CPA6: variants seen among roughly 807,000 people sequenced by gnomAD.
The protein encoded by CPA6 is carboxypeptidase B.
In CPA6, 58 loss-of-function variants were observed where a neutral mutation model predicts 63.3. That is an observed-to-expected ratio of 0.92 (90% CI 0.74 to 1.14). CPA6 has a LOEUF of 1.14. Ranked by LOEUF, CPA6 falls within the 50% of genes most tolerant of loss-of-function variation. The probability of loss-of-function intolerance (pLI) is 0.00; values close to 1 mark genes in which losing one functional copy is unlikely to be tolerated. For synonymous variants in CPA6, 185 were observed against 179.0 expected, an observed-to-expected ratio of 1.03 and a Z score of -0.27; for missense variants, 565 against 526.6, an observed-to-expected ratio of 1.07 and a Z score of -0.71.
At chr8:67,721,345 A>G (rs762239497) in intron 1 of CPA6, among the ~76,000 whole-genome samples, 2 of 152,234 alleles carry the variant, frequency 1.3e-5, no homozygotes, top group Middle Eastern at 3.2e-3. Flanking sequence ...TGTTAGTGGT[A>G]ATAGTCTTTA....
intron 2 of CPA6, among the ~76,000 whole-genome samples, chr8:67,586,368 T>C (rs1237959722): frequency 6.6e-6 from 1 of 152,164 alleles, no homozygotes; most frequent in Non-Finnish European, 1.5e-5. Flanking sequence ...ACAAAAGCCA[T>C]GATACATGCC....
intron 1 of CPA6, among the ~76,000 whole-genome samples, chr8:67,658,843 T>C (rs1452323329): frequency 6.6e-6 from 1 of 152,118 alleles, no homozygotes; most frequent in Non-Finnish European, 1.5e-5. Flanking sequence ...ACATTCTGCT[T>C]GTCACACAGA....
intron 2 of CPA6, among the ~76,000 whole-genome samples, chr8:67,537,185 G>A (rs1156522984): frequency 6.6e-6 from 1 of 152,114 alleles, no homozygotes; most frequent in African/African-American, 2.4e-5. Flanking sequence ...GCCAGGTTTT[G>A]GTATTAGGAT....
At chr8:67,497,878 G>T (rs897133321) in intron 6 of CPA6, among the ~76,000 whole-genome samples, 1 of 152,114 alleles carries the variant, frequency 6.6e-6, no homozygotes, top group African/African-American at 2.4e-5. Context: ...TTTTAGTAGA[G>T]AAGGGGTTTT....
intron 1 of CPA6, among the ~76,000 whole-genome samples, chr8:67,697,043 T>G (rs546168812): frequency 6.6e-6 from 1 of 152,324 alleles, no homozygotes; most frequent in African/African-American, 2.4e-5. Flanking sequence ...AAGGTGGACA[T>G]TACACCCATT....
intron 8 of CPA6, among the ~76,000 whole-genome samples, chr8:67,445,397 T>G: frequency 6.6e-6 from 1 of 152,222 alleles, no homozygotes; most frequent in Admixed American, 6.5e-5. Flanking sequence ...TCTGATTTCC[T>G]GTTTTCTTCA....
rs185308959 is a variant in CPA6, at chr8:67,430,860, T to C, written c.1042-2729A>G. ...TCCATGGGGAAGCAAATTCATCTTT[T>C]TTTTTTCTTTCCTTTCTTTGAGACA... On this transcript the variant is annotated intron_variant, in intron 9 of 10. Coordinates refer to ENST00000297770, the MANE Select transcript of CPA6 (RefSeq NM_020361.5). Among the ~76,000 whole-genome samples the C allele has an allele frequency of 4.4e-3, 669 of 152,224 alleles. 8 individuals are homozygous for C. Among genetic ancestry groups the C allele is most frequent in the African/African-American group, 0.015 (634 of 41,542 alleles).
intron 8 of CPA6, among the ~76,000 whole-genome samples, chr8:67,478,555 T>C (rs1417548824): frequency 1.3e-5 from 2 of 152,182 alleles, no homozygotes; most frequent in Admixed American, 6.5e-5. Flanking sequence ...AGAGTCAGAA[T>C]TGAATTGAAT....
chr8:67,536,566 A>G (rs929408135), intron 2 of CPA6, among the ~76,000 whole-genome samples: 1 of 152,190 alleles, frequency 6.6e-6, no homozygotes. Context: ...GACTTTGCCG[A>G]AGTTGCTTAT....
intron 8 of CPA6, among the ~76,000 whole-genome samples, chr8:67,479,895 A>C (rs1811320728): frequency 2.6e-5 from 4 of 151,932 alleles, no homozygotes. Context: ...GAAAACCCCC[A>C]ATTTGTAATG....
chr8:67,506,763 C>A (rs1247572047), intron 6 of CPA6, 24 bp downstream of exon 6: 23 of 1,475,062 alleles, frequency 1.6e-5, no homozygotes, highest in Non-Finnish European at 2.1e-5. Context: ...CTGAAATGGA[C>A]ATTGTGTAAA....
chr8:67,430,171 G>GTATGTGTGTGTGTGTATA (rs1809992542), intron 9 of CPA6, among the ~76,000 whole-genome samples: 1 of 104,854 alleles, frequency 9.5e-6, no homozygotes, highest in African/African-American at 4.0e-5. Flanking sequence ...GTGTGTGTGT[G>GTATGTGTGTGTGTGTATA]TATATATTTT....
chr8:67,644,336 T>C (rs1270428462), intron 1 of CPA6, among the ~76,000 whole-genome samples: 2 of 152,182 alleles, frequency 1.3e-5, no homozygotes, highest in African/African-American at 4.8e-5. Flanking sequence ...GCCAGGATGG[T>C]CTCGATCTCC....
chr8:67,657,660 T>A (rs1425828869), intron 1 of CPA6, among the ~76,000 whole-genome samples: 2 of 152,238 alleles, frequency 1.3e-5, no homozygotes, highest in East Asian at 3.8e-4. Context: ...TCTTTAAACC[T>A]AGAAGGTTCT....
intron 2 of CPA6, among the ~76,000 whole-genome samples, chr8:67,574,171 A>T (rs1813562602): frequency 6.6e-6 from 1 of 151,978 alleles, no homozygotes; most frequent in Non-Finnish European, 1.5e-5. Context: ...TGATGTCAGG[A>T]GTTCAAAATC....
rs959094707 is a variant in CPA6 at position 67,461,290 on chromosome 8, C to T, written c.838+22478G>A. On this transcript the variant is annotated intron_variant, in intron 8 of 10. Transcript: ENST00000297770. ...TAACGAGCATGCTGCCTTCAAGCAT[C>T]TGTTTAACAAAGCACATCTTGCACC... 5.5e-5 allele frequency among the ~76,000 whole-genome samples: 8 copies of T among 144,686 alleles called. No homozygotes were observed. In the Admixed American group the frequency reaches 5.6e-4, roughly 10 times the overall value. 94.9% of individuals were successfully genotyped at this position (144,686 alleles called of 152,430 possible).
At chr8:67,708,250 T>C (rs1027503191) in intron 1 of CPA6, among the ~76,000 whole-genome samples, 4 of 152,234 alleles carry the variant, frequency 2.6e-5, no homozygotes, top group African/African-American at 4.8e-5. Context: ...CTGTGCTTTA[T>C]GCAAATAATC....
intron 2 of CPA6, among the ~76,000 whole-genome samples, chr8:67,593,086 C>T (rs1405297220): frequency 1.3e-5 from 2 of 149,748 alleles, no homozygotes; most frequent in African/African-American, 5.0e-5. Flanking sequence ...TATGTTGTGT[C>T]TTTGTTCTCG....
chr8:67,447,538 CACACACACAT>C (rs1158196073), intron 8 of CPA6, among the ~76,000 whole-genome samples: 1,648 of 144,496 alleles, frequency 0.011, 18 homozygotes, highest in African/African-American at 0.045. Flanking sequence ...CACACACACA[CACACACACAT>C]ACACATTTTA....
Sources: allele counts gnomAD v4.1 joint callset (sites outside exome capture counted in the v4.1 genomes callset), GRCh38; gene constraint gnomAD v4.1.1; transcripts MANE v1.5; gene names NCBI Gene and HGNC (gene_info 2026-07-23, HGNC 2026-07-21).